The following BLTP3A variants were observed in gnomAD, a reference collection of about 807,000 sequenced individuals.
The protein encoded by BLTP3A is ICBP90 binding protein 1.
At chr6:34,821,647 T>C in the BLTP3A span, 1,237 of 1,605,392 alleles carry the variant, frequency 7.7e-4, no homozygotes, top group Non-Finnish European at 9.9e-4. Context: ...TCATTACTCT[T>C]TTCAGGTTCA....
chr6:34,836,710 G>A, the BLTP3A span, among the ~76,000 whole-genome samples: 1 of 152,136 alleles, frequency 6.6e-6, no homozygotes, highest in African/African-American at 2.4e-5. Flanking sequence ...GGTTGAAAAC[G>A]ACTAGGGTGA....
At chr6:34,846,136 C>T in the BLTP3A span, among the ~76,000 whole-genome samples, 1 of 119,710 alleles carries the variant, frequency 8.4e-6, no homozygotes, top group African/African-American at 3.2e-5. Context: ...TTCCCTCCTT[C>T]CTTCTTTCCT....
At chr6:34,850,618 C>G in the BLTP3A span, among the ~76,000 whole-genome samples, 2 of 152,154 alleles carry the variant, frequency 1.3e-5, no homozygotes, top group African/African-American at 4.8e-5. Context: ...CCAATTCTTT[C>G]TCATACTGGG....
the BLTP3A span, chr6:34,876,665 A>G: frequency 2.0e-5 from 3 of 152,226 alleles, no homozygotes; most frequent in Non-Finnish European, 2.9e-5. Flanking sequence ...ATGATTTATC[A>G]TAGTCATTAC....
the BLTP3A span, among the ~76,000 whole-genome samples, chr6:34,832,467 ACTCTGT>A: frequency 6.8e-6 from 1 of 146,052 alleles, no homozygotes; most frequent in African/African-American, 2.6e-5. Context: ...ACAGGGTCTG[ACTCTGT>A]CACCCTGGCT....
the BLTP3A span, among the ~76,000 whole-genome samples, chr6:34,824,467 A>G: frequency 6.6e-6 from 1 of 150,558 alleles, no homozygotes; most frequent in South Asian, 2.1e-4. Flanking sequence ...CTGAGGCAAG[A>G]GAATCGCTTG....
the BLTP3A span, among the ~76,000 whole-genome samples, chr6:34,806,455 C>T: frequency 6.6e-6 from 1 of 152,132 alleles, no homozygotes; most frequent in Non-Finnish European, 1.5e-5. Flanking sequence ...CTTTCACCAC[C>T]ATTGGTAAAA....
chr6:34,811,299 A>G, the BLTP3A span, among the ~76,000 whole-genome samples: 3 of 152,220 alleles, frequency 2.0e-5, no homozygotes. Context: ...TATGGAAATG[A>G]AAAAGACCTA....
chr6:34,824,979 T>A, the BLTP3A span, among the ~76,000 whole-genome samples: 2 of 152,204 alleles, frequency 1.3e-5, no homozygotes, highest in Non-Finnish European at 2.9e-5. Context: ...CCTAAATACA[T>A]ATTTTTTTAC....
At chr6:34,848,810 C>A in the BLTP3A span, among the ~76,000 whole-genome samples, 1 of 151,956 alleles carries the variant, frequency 6.6e-6, no homozygotes, top group Non-Finnish European at 1.5e-5. Flanking sequence ...AGTCTATTTA[C>A]ATTCAACATT....
chr6:34,844,147 A>AT, the BLTP3A span, among the ~76,000 whole-genome samples: 7 of 151,390 alleles, frequency 4.6e-5, no homozygotes, highest in East Asian at 3.9e-4. Flanking sequence ...CGCCCGGCTA[A>AT]TTTTTTTTGT....
At chr6:34,830,557 C>T in the BLTP3A span, among the ~76,000 whole-genome samples, 17 of 151,714 alleles carry the variant, frequency 1.1e-4, no homozygotes, top group South Asian at 2.1e-4. Flanking sequence ...ACCACTGCAC[C>T]CCAGCCTAGG....
At chr6:34,861,470 G>A in the BLTP3A span, among the ~76,000 whole-genome samples, 2 of 152,092 alleles carry the variant, frequency 1.3e-5, no homozygotes, top group East Asian at 1.9e-4. Flanking sequence ...TGTGTTTATC[G>A]TGTTGACAGT....
At chr6:34,864,158 C>T in the BLTP3A span, 14 of 1,613,948 alleles carry the variant, frequency 8.7e-6, no homozygotes, top group Non-Finnish European at 1.2e-5. Flanking sequence ...TTTCAGTGGA[C>T]AGTGATGGCA....
chr6:34,824,429 G>A, the BLTP3A span, among the ~76,000 whole-genome samples: 1 of 150,724 alleles, frequency 6.6e-6, no homozygotes, highest in Non-Finnish European at 1.5e-5. Flanking sequence ...GTGGTGGCGG[G>A]CACCTGTAAT....
the BLTP3A span, chr6:34,792,391 C>A: frequency 2.4e-6 from 3 of 1,249,890 alleles, no homozygotes; most frequent in Non-Finnish European, 3.2e-6. Context: ...GTCTGCCTCT[C>A]TCCAGCCCGG....
the BLTP3A span, among the ~76,000 whole-genome samples, chr6:34,816,437 C>G: frequency 6.6e-6 from 1 of 151,908 alleles, no homozygotes; most frequent in Non-Finnish European, 1.5e-5. Context: ...AAGGGAGACC[C>G]CATCTCTACA....
chr6:34,869,995 C>T, the BLTP3A span, among the ~76,000 whole-genome samples: 1 of 152,134 alleles, frequency 6.6e-6, no homozygotes, highest in African/African-American at 2.4e-5. Context: ...ATTTGCATAA[C>T]ATAAAATTCA....
At chr6:34,820,139 C>T in the BLTP3A span, among the ~76,000 whole-genome samples, 1 of 151,964 alleles carries the variant, frequency 6.6e-6, no homozygotes, top group Non-Finnish European at 1.5e-5. Context: ...TCATGTAGCT[C>T]CCTCTTCTGT....
Sources: gnomAD v4.1 joint callset for allele counts (sites outside exome capture counted in the v4.1 genomes callset) on GRCh38, gnomAD v4.1.1 for gene constraint, MANE v1.5 for transcripts, NCBI Gene and HGNC (gene_info 2026-07-23, HGNC 2026-07-21) for gene names.